Variants in RREB1 observed in about 807,000 individuals in gnomAD.
RREB1 encodes the protein ras responsive element binding protein 1.
Under a neutral mutation model 117.8 loss-of-function variants are expected in RREB1, and 27 were observed. That is an observed-to-expected ratio of 0.23 (90% confidence interval 0.17 to 0.32). The LOEUF (loss-of-function observed/expected upper bound fraction) is 0.32. Among genes scored for constraint, RREB1 ranks in the 10% least tolerant of loss-of-function variants. The probability of loss-of-function intolerance (pLI) is 1.00; values close to 1 mark genes in which losing one functional copy is unlikely to be tolerated. For synonymous variants in RREB1, 1,298 were observed against 1,026.7 expected, an observed-to-expected ratio of 1.26 and a Z score of -5.05; for missense variants, 2,577 against 2,378.2, an observed-to-expected ratio of 1.08 and a Z score of -1.74.
At chr6:7,113,173 A>T (rs1260147888) in intron 1 of RREB1, among the ~76,000 whole-genome samples, 1 of 152,176 alleles carries the variant, frequency 6.6e-6, no homozygotes, top group Non-Finnish European at 1.5e-5. Flanking sequence ...TCCTGCAGGG[A>T]TTCACCTGAG....
Position 7,229,690 on chromosome 6 carries a change from C to A in RREB1, c.1591C>A (p.Gln531Lys). ...CACGCCCCCGCCTCTCATCAACGCC[C>A]AGCAGGCTTCCCCGGGCTGTATCAG... ...TSTPPPLINA[Q>K]QASPGCISPS... Residue 531 changes from glutamine (Q) to lysine (K), a missense_variant, in exon 10 of 13, where the codon CAG becomes AAG. Coordinates refer to ENST00000379938, the MANE Select transcript of RREB1 (RefSeq NM_001003699.4). The surrounding 1 kb of genome is among the most constrained non-coding windows in gnomAD (Gnocchi z 4.5). 6.2e-7 allele frequency: 1 copy of A among 1,610,592 alleles called. No homozygotes were observed.
chr6:7,115,187 G>A (rs908192038), intron 1 of RREB1, among the ~76,000 whole-genome samples: 4 of 152,178 alleles, frequency 2.6e-5, no homozygotes, highest in Non-Finnish European at 4.4e-5. Context: ...ATGGCTGCCA[G>A]CTGCTGTGGT....
At chr6:7,189,721 A>G (rs1419801344) in intron 6 of RREB1, among the ~76,000 whole-genome samples, 2 of 152,232 alleles carry the variant, frequency 1.3e-5, no homozygotes, top group Admixed American at 6.5e-5. Flanking sequence ...TTGCAAATAA[A>G]AACAAAAAGT....
chr6:7,135,921 A>C (rs1183578626), intron 1 of RREB1, among the ~76,000 whole-genome samples: 1 of 152,202 alleles, frequency 6.6e-6, no homozygotes, highest in African/African-American at 2.4e-5. Context: ...CTACACAGGC[A>C]GGGAGAAATT....
intron 10 of RREB1, among the ~76,000 whole-genome samples, chr6:7,232,170 A>G (rs977890627): frequency 6.6e-6 from 1 of 152,210 alleles, no homozygotes; most frequent in Non-Finnish European, 1.5e-5. Context: ...TTGAGGTGAA[A>G]GTGGTCACAG....
At chr6:7,246,307 T>C in intron 11 of RREB1, 117 bp from the exon 12 acceptor site, 1 of 866,704 alleles carries the variant, frequency 1.2e-6, no homozygotes, top group Non-Finnish European at 1.7e-6. Flanking sequence ...AAAGAAGTCC[T>C]CACTGGTTTG....
intron 1 of RREB1, among the ~76,000 whole-genome samples, chr6:7,146,554 G>C (rs1457767040): frequency 6.6e-6 from 1 of 152,162 alleles, no homozygotes; most frequent in African/African-American, 2.4e-5. Flanking sequence ...CATAAATGTG[G>C]AGGAACCGAG....
intron 9 of RREB1, among the ~76,000 whole-genome samples, chr6:7,228,420 C>A (rs369662321): frequency 1.3e-5 from 2 of 151,180 alleles, no homozygotes; most frequent in African/African-American, 4.9e-5. Context: ...TCAGTTATCA[C>A]GCAAACATGA....
At chr6:7,108,278 C>T (rs1271090863) in intron 1 of RREB1, among the ~76,000 whole-genome samples, 1 of 151,988 alleles carries the variant, frequency 6.6e-6, no homozygotes, top group South Asian at 2.1e-4. Flanking sequence ...CAGGGATGAG[C>T]GGGGCAGCCC....
intron 1 of RREB1, among the ~76,000 whole-genome samples, chr6:7,176,323 T>C (rs1764497580): frequency 6.6e-6 from 1 of 152,254 alleles, no homozygotes; most frequent in Non-Finnish European, 1.5e-5. Flanking sequence ...AGGTGTCTGC[T>C]GTGAACATGC....
chr6:7,168,107 T>G (rs2113486166), intron 1 of RREB1, among the ~76,000 whole-genome samples: 1 of 151,924 alleles, frequency 6.6e-6, no homozygotes, highest in South Asian at 2.1e-4. Flanking sequence ...AATACAAATT[T>G]AGCCGGGTGT....
chr6:7,118,907 C>T (rs975784963), intron 1 of RREB1, among the ~76,000 whole-genome samples: 1 of 143,766 alleles, frequency 7.0e-6, no homozygotes, highest in Non-Finnish European at 1.5e-5. Flanking sequence ...CCTCGGCCTC[C>T]CAAAGTGATG....
chr6:7,167,066 T>C (rs1205796926), intron 1 of RREB1, among the ~76,000 whole-genome samples: 2 of 152,198 alleles, frequency 1.3e-5, no homozygotes, highest in Non-Finnish European at 2.9e-5. Context: ...CCATGCTGTA[T>C]TCAGGTGCTG....
In RREB1 at chr6:7,248,751, G is replaced by A. The variant is rs745875712; in HGVS notation, c.5012G>A (p.Arg1671Gln). 3.2e-5 allele frequency: 52 copies of A among 1,614,082 alleles called. No individual in the cohort carries two copies. Among genetic ancestry groups the A allele is most frequent in the South Asian group, 4.4e-5 (4 of 91,084 alleles). The change falls in exon 13 of 13, where the codon CGG (arginine) becomes CAG (glutamine). Residue 1671 changes from arginine to glutamine, a missense_variant. Coordinates refer to ENST00000379938, the MANE Select transcript of RREB1 (RefSeq NM_001003699.4). The stretch of plus-strand genomic sequence containing the variant: ...GCCAGCAACCACATGGCTGTCACCC[G>A]GAGCCGGAAGGAGGGCTTGGCCAGT... ...PNASNHMAVT[R>Q]SRKEGLASAT...
chr6:7,169,546 C>T (rs1462413216), intron 1 of RREB1, among the ~76,000 whole-genome samples: 4 of 152,216 alleles, frequency 2.6e-5, no homozygotes, highest in Admixed American at 2.6e-4. Flanking sequence ...GTGCCGAGGG[C>T]TGCTGTGTCC....
rs73719066 is a variant in RREB1 at position 7,158,296 on chromosome 6, C to G, written c.-284-18359C>G. Among the ~76,000 whole-genome samples, 1,147 of 152,214 alleles carry G rather than the reference C, an allele frequency of 7.5e-3. 16 individuals are homozygous for G. Among genetic ancestry groups the G allele is most frequent in the African/African-American group, 0.027 (1,101 of 41,518 alleles). On this transcript the variant is annotated intron_variant, in intron 1 of 12. Transcript: ENST00000379938. ...GAAAGTTGTTCAGGTTTAACTTTCC[C>G]TCCCTATTCCCTTTGTTCCCGTTTG...
At chr6:7,111,990 T>C (rs543949995) in intron 1 of RREB1, among the ~76,000 whole-genome samples, 62 of 152,360 alleles carry the variant, frequency 4.1e-4, no homozygotes, top group African/African-American at 1.4e-3. Flanking sequence ...CAATGTAGTC[T>C]GTCCTGATAA....
At chr6:7,182,182 G>A (rs1764843304) in intron 4 of RREB1, 100 bp downstream of exon 4, 2 of 1,116,472 alleles carry the variant, frequency 1.8e-6, no homozygotes, top group African/African-American at 3.2e-5. Context: ...GGAAGAATTG[G>A]GAATAAAACG....
chr6:7,142,027 C>A (rs1386076747), intron 1 of RREB1, among the ~76,000 whole-genome samples: 1 of 152,130 alleles, frequency 6.6e-6, no homozygotes, highest in African/African-American at 2.4e-5. Flanking sequence ...GCCTGGCCAA[C>A]ATGGTGAAAC....
Sources: gnomAD v4.1 joint callset for allele counts (sites outside exome capture counted in the v4.1 genomes callset) on GRCh38, gnomAD v4.1.1 for gene constraint, Gnocchi (gnomAD v3.1) non-coding constraint, MANE v1.5 for transcripts, NCBI Gene and HGNC (gene_info 2026-07-23, HGNC 2026-07-21) for gene names.